KCNJ3: variants seen among roughly 807,000 people sequenced by gnomAD.
KCNJ3 encodes the protein G protein-activated inward rectifier potassium channel 1.
A neutral mutation model predicts 39.2 loss-of-function variants in KCNJ3; 4 were observed. The ratio of observed to expected loss-of-function variants is 0.10; its 90% CI spans 0.05 to 0.23. The LOEUF (loss-of-function observed/expected upper bound fraction) is 0.23, where lower values mean the gene tolerates loss of function less well. KCNJ3 is among the 10% of genes least tolerant of loss of function. The pLI is 1.00. For missense variants in KCNJ3, 276 were observed against 634.9 expected, an observed-to-expected ratio of 0.43 and a Z score of 6.08; for synonymous variants, 230 against 237.4, an observed-to-expected ratio of 0.97 and a Z score of 0.29.
intron 2 of KCNJ3, among the ~76,000 whole-genome samples, chr2:154,739,007 G>T (rs1249864464): frequency 6.6e-6 from 1 of 152,032 alleles, no homozygotes; most frequent in African/African-American, 2.4e-5. Flanking sequence ...TATTGTTAAT[G>T]CAATACTTAT....
chr2:154,810,264 TG>T (rs1467244906), intron 2 of KCNJ3, among the ~76,000 whole-genome samples: 4 of 152,064 alleles, frequency 2.6e-5, no homozygotes, highest in Non-Finnish European at 4.4e-5. Flanking sequence ...TTGTATTTTT[TG>T]TGGAGATGGG....
chr2:154,820,240 C>T (rs184690961), intron 2 of KCNJ3, among the ~76,000 whole-genome samples: 20 of 152,250 alleles, frequency 1.3e-4, no homozygotes, highest in African/African-American at 4.1e-4. Context: ...CACTTTATCT[C>T]CCAACGTTAT....
At position 154,813,299 on chromosome 2, in the gene KCNJ3, G is replaced by A. The variant is rs1044007774; in HGVS notation, c.920-41428G>A. Among the ~76,000 whole-genome samples the A allele has an allele frequency of 3.9e-5, 6 of 152,044 alleles. No individual in the cohort carries two copies. In the South Asian group the frequency reaches 1.0e-3, roughly 26 times the overall value. On this transcript the variant is annotated intron_variant, in intron 2 of 2. Transcript: ENST00000295101. ...GCTCTGCGAAGCTTCTGTTTGAAGC[G>A]TTGCTGATAAGAACCCCCATCCATA...
At chr2:154,785,326 C>G (rs918791126) in intron 2 of KCNJ3, among the ~76,000 whole-genome samples, 1 of 152,078 alleles carries the variant, frequency 6.6e-6, no homozygotes, top group African/African-American at 2.4e-5. Flanking sequence ...TTCTGAGGAC[C>G]CTCCTCCTGC....
At chr2:154,712,020 TA>T (rs1229013233) in intron 2 of KCNJ3, among the ~76,000 whole-genome samples, 2 of 152,134 alleles carry the variant, frequency 1.3e-5, no homozygotes, top group Non-Finnish European at 2.9e-5. Context: ...CTTAACCTCT[TA>T]ATTAAACCTG....
At chr2:154,853,141 A>C in intron 2 of KCNJ3, among the ~76,000 whole-genome samples, 1 of 151,654 alleles carries the variant, frequency 6.6e-6, no homozygotes, top group Admixed American at 6.6e-5. Context: ...GAGGATTAGA[A>C]TGGAAAAAAA....
intron 2 of KCNJ3, among the ~76,000 whole-genome samples, chr2:154,767,009 A>T (rs1686147023): frequency 6.6e-6 from 1 of 152,136 alleles, no homozygotes; most frequent in Non-Finnish European, 1.5e-5. Context: ...TAAGACTCTT[A>T]GAAGAATTTA....
intron 2 of KCNJ3, among the ~76,000 whole-genome samples, chr2:154,711,983 T>G (rs1313720912): frequency 6.6e-6 from 1 of 152,196 alleles, no homozygotes; most frequent in Non-Finnish European, 1.5e-5. Flanking sequence ...TTGCCTTTTA[T>G]GGAGAAGAGA....
chr2:154,801,609 C>A (rs1686820496), intron 2 of KCNJ3, among the ~76,000 whole-genome samples: 1 of 118,492 alleles, frequency 8.4e-6, no homozygotes, highest in South Asian at 2.6e-4. Flanking sequence ...TTCTTTCTTT[C>A]TCTTTTTTTT....
At chr2:154,705,968 A>G (rs1685001855) in intron 1 of KCNJ3, among the ~76,000 whole-genome samples, 2 of 152,104 alleles carry the variant, frequency 1.3e-5, no homozygotes. Context: ...TTTTCAAATT[A>G]TCTTCTAAAT....
intron 2 of KCNJ3, among the ~76,000 whole-genome samples, chr2:154,749,735 A>G (rs1254787813): frequency 6.6e-6 from 1 of 152,004 alleles, no homozygotes; most frequent in Non-Finnish European, 1.5e-5. Flanking sequence ...TAGTGAGTGC[A>G]TATATGTAAA....
At chr2:154,800,917 T>C (rs1404850568) in intron 2 of KCNJ3, among the ~76,000 whole-genome samples, 1 of 152,202 alleles carries the variant, frequency 6.6e-6, no homozygotes, top group African/African-American at 2.4e-5. Flanking sequence ...ACCATCGCCA[T>C]CAAAAGAACA....
At chr2:154,704,440 A>T (rs1028097059) in intron 1 of KCNJ3, among the ~76,000 whole-genome samples, 1 of 152,192 alleles carries the variant, frequency 6.6e-6, no homozygotes, top group African/African-American at 2.4e-5. Context: ...GAATGGTATG[A>T]AAGCCTCACA....
At chr2:154,811,113 A>G (rs1687001684) in intron 2 of KCNJ3, among the ~76,000 whole-genome samples, 1 of 152,162 alleles carries the variant, frequency 6.6e-6, no homozygotes. Flanking sequence ...ATATGTACCA[A>G]GTACAACTCT....
intron 2 of KCNJ3, among the ~76,000 whole-genome samples, chr2:154,744,197 G>C (rs1296874737): frequency 6.6e-6 from 1 of 151,372 alleles, no homozygotes; most frequent in Non-Finnish European, 1.5e-5. Context: ...AACCCTACTT[G>C]GTTATGATGT....
At chr2:154,706,506 T>G (rs2105148892) in intron 1 of KCNJ3, among the ~76,000 whole-genome samples, 1 of 152,298 alleles carries the variant, frequency 6.6e-6, no homozygotes, top group Admixed American at 6.5e-5. Context: ...AAATTGATTT[T>G]GTAAAGACAC....
chr2:154,815,990 G>A (rs750205150), intron 2 of KCNJ3, among the ~76,000 whole-genome samples: 25 of 152,160 alleles, frequency 1.6e-4, no homozygotes, highest in Admixed American at 3.9e-4. Flanking sequence ...TCAGAGAGCT[G>A]ATCACTGCCT....
rs536222734 is a variant in KCNJ3, at chr2:154,834,839, G to GT, written c.920-19886dup. ...ATTTTAAATGATGCCATTTTTATGAGTTGTCTACATCATAATAACATACTT... is the reference window on the plus strand; with the variant it reads ...ATTTTAAATGATGCCATTTTTATGAGTTTGTCTACATCATAATAACATACTT... On this transcript the variant is annotated intron_variant, in intron 2 of 2. Coordinates refer to ENST00000295101, the MANE Select transcript of KCNJ3 (RefSeq NM_002239.4). Among the ~76,000 whole-genome samples the GT allele has an allele frequency of 3.2e-4, 49 of 151,252 alleles. 1 individual carries two copies. Among genetic ancestry groups the GT allele is most frequent in the Admixed American group, 3.0e-3 (45 of 15,078 alleles).
chr2:154,829,483 G>A (rs1291538353), intron 2 of KCNJ3, among the ~76,000 whole-genome samples: 1 of 152,138 alleles, frequency 6.6e-6, no homozygotes, highest in Non-Finnish European at 1.5e-5. Flanking sequence ...TAGCTGTGTA[G>A]TATTCCATGA....
Sources: allele counts gnomAD v4.1 joint callset (sites outside exome capture counted in the v4.1 genomes callset), GRCh38; gene constraint gnomAD v4.1.1; transcripts MANE v1.5; gene names NCBI Gene and HGNC (gene_info 2026-07-23, HGNC 2026-07-21).